SSH2: variants seen among roughly 807,000 people sequenced by gnomAD.
The protein encoded by SSH2 is protein phosphatase Slingshot homolog 2.
In SSH2, 37 loss-of-function variants were observed where a neutral mutation model predicts 135.2. The observed-to-expected ratio is 0.27, with a 90% confidence interval of 0.21 to 0.36. The LOEUF is 0.36. Among genes scored for constraint, SSH2 ranks in the 10% least tolerant of loss-of-function variants. SSH2 has a pLI of 1.00. For synonymous variants in SSH2, 628 were observed against 646.2 expected (o/e 0.97, Z 0.43); for missense variants, 1,408 against 1,765.3 (o/e 0.80, Z 3.63).
At chr17:29,882,257 C>T (rs1468238706) in intron 1 of SSH2, among the ~76,000 whole-genome samples, 1 of 152,202 alleles carries the variant, frequency 6.6e-6, no homozygotes, top group East Asian at 1.9e-4. Context: ...AAACTCACAG[C>T]CTTTTCTCTA....
chr17:29,675,084 T>C (rs2037650371), intron 8 of SSH2, among the ~76,000 whole-genome samples: 3 of 152,242 alleles, frequency 2.0e-5, no homozygotes, highest in African/African-American at 7.2e-5. Flanking sequence ...CAATTGTCTT[T>C]AACTGAGCCT....
chr17:29,844,925 C>T (rs926503971), intron 2 of SSH2, among the ~76,000 whole-genome samples: 1 of 152,210 alleles, frequency 6.6e-6, no homozygotes, highest in African/African-American at 2.4e-5. Context: ...CTTCTTCCCA[C>T]ATACTGCATG....
At chr17:29,803,097 T>C (rs1450798874) in intron 2 of SSH2, among the ~76,000 whole-genome samples, 1 of 152,164 alleles carries the variant, frequency 6.6e-6, no homozygotes, top group Non-Finnish European at 1.5e-5. Flanking sequence ...GGTCTGCCAC[T>C]TGGCCACTTG....
At chr17:29,749,822 G>C (rs2040873052) in intron 3 of SSH2, among the ~76,000 whole-genome samples, 1 of 152,122 alleles carries the variant, frequency 6.6e-6, no homozygotes, top group Non-Finnish European at 1.5e-5. Flanking sequence ...TGCCTCCTGG[G>C]CTCAAGAGAT....
At position 29,632,018 on chromosome 17, in the gene SSH2, G is replaced by A; in HGVS notation, c.3176C>T (p.Thr1059Ile). Reference protein sequence around the residue: ...NHTGPGSEIATSEKSGEQGLR... With the variant: ...NHTGPGSEIAISEKSGEQGLR... ...CCCTTGCTCTCCGCTCTTCTCACTG[G>A]TGGCTATTTCACTCCCTGGCCCAGT... Residue 1059 changes from threonine to isoleucine, a missense_variant, in exon 16 of 16, where the codon ACC (threonine) becomes ATC (isoleucine). Around this residue, in one of 3 missense-constraint regions of SSH2, gnomAD observed 1,080 missense variants for 1,144.5 expected, o/e 0.94. Coordinates refer to ENST00000540801, the MANE Select transcript of SSH2 (RefSeq NM_001282129.2). The A allele has an allele frequency of 6.2e-7, 1 of 1,614,214 alleles. No individual in the cohort carries two copies. The highest frequency in any genetic ancestry group is 8.5e-7 in the Non-Finnish European group (1 of 1,180,052).
At chr17:29,868,233 C>T (rs2065884969) in intron 1 of SSH2, among the ~76,000 whole-genome samples, 1 of 152,168 alleles carries the variant, frequency 6.6e-6, no homozygotes, top group Non-Finnish European at 1.5e-5. Flanking sequence ...ACTAAAAACT[C>T]AGTTAATTTT....
At chr17:29,885,098 G>A (rs902223692) in intron 1 of SSH2, among the ~76,000 whole-genome samples, 7 of 152,064 alleles carry the variant, frequency 4.6e-5, no homozygotes, top group Admixed American at 2.0e-4. Flanking sequence ...AGCCTCCAAG[G>A]TCTTGGCTCT....
At chr17:29,660,549 G>A (rs773620487) in intron 11 of SSH2, among the ~76,000 whole-genome samples, 3 of 152,122 alleles carry the variant, frequency 2.0e-5, no homozygotes, top group Non-Finnish European at 4.4e-5. Flanking sequence ...ACAGGCATGA[G>A]CCACTGTGCC....
chr17:29,899,719 G>A (rs1191177910), intron 1 of SSH2, among the ~76,000 whole-genome samples: 2 of 152,274 alleles, frequency 1.3e-5, no homozygotes, highest in East Asian at 3.9e-4. Flanking sequence ...GTAATTTATA[G>A]ATTTTCAATG....
intron 1 of SSH2, among the ~76,000 whole-genome samples, chr17:29,923,403 G>T (rs1300393820): frequency 6.6e-6 from 1 of 152,076 alleles, no homozygotes; most frequent in African/African-American, 2.4e-5. Context: ...AGGATTGCTT[G>T]AGCCCAGGAG....
At position 29,651,855 on chromosome 17, in the gene SSH2, G is replaced by C. The variant is rs975919343; in HGVS notation, c.1080-1055C>G. On this transcript the variant is annotated intron_variant, in intron 12 of 15. Transcript: ENST00000540801. ...TTTTTTTTTATTTAATTTAAAAAGC[G>C]AGCTTGGCCAGGCGCAGTGGCTCAC... Among the ~76,000 whole-genome samples the C allele has an allele frequency of 2.6e-5, 4 of 151,972 alleles. No individual in the cohort carries two copies. In the East Asian group the frequency reaches 7.8e-4, roughly 29 times the overall value.
chr17:29,686,477 T>C (rs1456853050), intron 5 of SSH2, among the ~76,000 whole-genome samples: 1 of 151,288 alleles, frequency 6.6e-6, no homozygotes. Flanking sequence ...TTTTCCTGCC[T>C]CAGCCTCCTG....
In SSH2 at chr17:29,663,837, C is replaced by T. The variant is rs548918806; in HGVS notation, c.1032+3030G>A. Among the ~76,000 whole-genome samples the T allele has an allele frequency of 2.0e-5, 3 of 152,222 alleles. No individual in the cohort carries two copies. In the East Asian group the frequency reaches 5.8e-4, roughly 29 times the overall value. ...ATTGTAAACTATGGACTTTAGTTTACAATGATGTGCCAATGTAGAATAATG... is the reference window on the plus strand; with the variant it reads ...ATTGTAAACTATGGACTTTAGTTTATAATGATGTGCCAATGTAGAATAATG... On this transcript the variant is annotated intron_variant, in intron 11 of 15. Transcript: ENST00000540801.
chr17:29,913,453 G>C (rs1339998417), intron 1 of SSH2, among the ~76,000 whole-genome samples: 2 of 130,352 alleles, frequency 1.5e-5, no homozygotes, highest in Middle Eastern at 4.8e-3. Flanking sequence ...TGCCCAAGAG[G>C]TAAGCTGTTC....
At position 29,735,410 on chromosome 17, in the gene SSH2, T is replaced by C. The variant is rs556795367; in HGVS notation, c.189-32348A>G. On this transcript the variant is annotated intron_variant, in intron 3 of 15. Transcript: ENST00000540801. ...TGTGGACTCTCATTTTAAAGCATACTACAGGGCCAGGTGCAGTGGCTCATG... is the reference window on the plus strand; with the variant it reads ...TGTGGACTCTCATTTTAAAGCATACCACAGGGCCAGGTGCAGTGGCTCATG... 9.2e-5 allele frequency among the ~76,000 whole-genome samples: 14 copies of C among 152,216 alleles called. 1 individual carries two copies. The South Asian group carries it at 2.9e-3, about 32-fold the overall frequency.
At chr17:29,814,634 A>G (rs2042522299) in intron 2 of SSH2, among the ~76,000 whole-genome samples, 1 of 152,040 alleles carries the variant, frequency 6.6e-6, no homozygotes, top group Non-Finnish European at 1.5e-5. Context: ...AATGGCAAAC[A>G]AACTGTAAGC....
chr17:29,900,640 A>G (rs533524977), intron 1 of SSH2, among the ~76,000 whole-genome samples: 22 of 152,332 alleles, frequency 1.4e-4, no homozygotes, highest in African/African-American at 5.3e-4. Flanking sequence ...CAGGTGCTGG[A>G]GAGGATGTGG....
At chr17:29,731,340 T>C (rs533550040) in intron 3 of SSH2, among the ~76,000 whole-genome samples, 19 of 152,224 alleles carry the variant, frequency 1.2e-4, no homozygotes, top group Non-Finnish European at 2.6e-4. Flanking sequence ...AAGCACTCTA[T>C]TAAAGATGAG....
chr17:29,747,517 T>C (rs2040801536), intron 3 of SSH2, among the ~76,000 whole-genome samples: 1 of 152,226 alleles, frequency 6.6e-6, no homozygotes, highest in South Asian at 2.1e-4. Context: ...AATCTATTTA[T>C]AAATTACTGG....
Sources: gnomAD v4.1 joint callset for allele counts (sites outside exome capture counted in the v4.1 genomes callset) on GRCh38, gnomAD v4.1.1 for gene constraint, gnomAD v4.1.1 regional missense constraint, MANE v1.5 for transcripts, NCBI Gene and HGNC (gene_info 2026-07-23, HGNC 2026-07-21) for gene names.